Variants in PPP1R8 observed in about 807,000 individuals in gnomAD.
PPP1R8 encodes protein phosphatase 1 regulatory subunit 8.
In PPP1R8, 4 loss-of-function variants were observed where a neutral mutation model predicts 31.3. The observed-to-expected ratio is 0.13, with a 90% CI of 0.06 to 0.29. PPP1R8 has a LOEUF of 0.29. Among genes scored for constraint, PPP1R8 ranks in the 10% least tolerant of loss-of-function variants. The probability of loss-of-function intolerance (pLI) is 1.00; values close to 1 mark genes in which losing one functional copy is unlikely to be tolerated. For synonymous variants in PPP1R8, 170 were observed against 169.7 expected (o/e 1.00, Z -0.01); for missense variants, 254 against 440.1 (o/e 0.58, Z 3.78).
chr1:27,843,820 G>A (rs2089245792), intron 5 of PPP1R8, among the ~76,000 whole-genome samples: 1 of 152,014 alleles, frequency 6.6e-6, no homozygotes, highest in Admixed American at 6.6e-5. Flanking sequence ...AGGCATGGTG[G>A]CACACACCTG....
chr1:27,847,460 T>G (rs11805287), intron 6 of PPP1R8, among the ~76,000 whole-genome samples: 3,320 of 148,094 alleles, frequency 0.022, 104 homozygotes, highest in African/African-American at 0.077. Flanking sequence ...TGAGCTGAGG[T>G]CGCACCATTG....
chr1:27,850,544 G>A lies in PPP1R8; in HGVS notation c.*98G>A, dbSNP rs2089333918. The A allele has an allele frequency of 9.1e-7, 1 of 1,103,296 alleles. No homozygotes were observed. The highest frequency in any genetic ancestry group is 1.3e-6 in the Non-Finnish European group (1 of 782,082). The allele number at this position is 1,103,296 out of a possible 1,614,324, so 68.3% of individuals were successfully genotyped here. On this transcript the variant is annotated 3_prime_UTR_variant, in exon 7 of 7. Transcript: ENST00000311772. ...GGGAGAAAAACTTTCCATGTGTGCGGTATCGTCTTTCAGAATGTCTCCTGG... is the reference window on the plus strand; with the variant it reads ...GGGAGAAAAACTTTCCATGTGTGCGATATCGTCTTTCAGAATGTCTCCTGG...
chr1:27,837,245 C>G (rs1422121030), intron 2 of PPP1R8, among the ~76,000 whole-genome samples: 1 of 151,822 alleles, frequency 6.6e-6, no homozygotes, highest in Non-Finnish European at 1.5e-5. Flanking sequence ...TCCTGGCTAA[C>G]ACGGTGAAAC....
rs1393285693 is a variant in PPP1R8, at chr1:27,841,147, G to A, written c.405G>A (p.Ser135=). Residue 135 remains serine (S), a synonymous_variant, in exon 4 of 7, where the codon TCG becomes TCA. Coordinates refer to ENST00000311772, the MANE Select transcript of PPP1R8 (RefSeq NM_014110.5). ...GCGAGAAGCCTCAGACATTGCCATC[G>A]GCTGTGAAAGGAGATGAGAAGATGG... ...TLREKPQTLP[S]AVKGDEKMGG... The A allele has an allele frequency of 8.7e-6, 14 of 1,614,070 alleles. No homozygotes were observed. Among genetic ancestry groups the A allele is most frequent in the Admixed American group, 6.7e-5 (4 of 60,004 alleles).
At chr1:27,844,623 A>T (rs1366316045) in intron 5 of PPP1R8, among the ~76,000 whole-genome samples, 2 of 150,642 alleles carry the variant, frequency 1.3e-5, no homozygotes, top group Non-Finnish European at 3.0e-5. Context: ...TACCGCGCCC[A>T]GCCCAAAATT....
chr1:27,847,095 A>G lies in PPP1R8; in HGVS notation c.702+3A>G. On this transcript the variant is annotated splice_donor_region_variant and intron_variant, in intron 6 of 6. Coordinates refer to ENST00000311772, the MANE Select transcript of PPP1R8 (RefSeq NM_014110.5). The stretch of plus-strand genomic sequence containing the variant: ...AAACTGCAGTGGTCCCAGTCAAGGT[A>G]GGAAGCACATGAAATGCCATACAGT... 6.2e-7 allele frequency: 1 copy of G among 1,613,370 alleles called. No homozygotes were observed.
chr1:27,846,128 A>C (rs1234651308), intron 5 of PPP1R8, among the ~76,000 whole-genome samples: 1 of 152,204 alleles, frequency 6.6e-6, no homozygotes, highest in Non-Finnish European at 1.5e-5. Context: ...CTCATTGAAA[A>C]TAAGATGACA....
intron 2 of PPP1R8, among the ~76,000 whole-genome samples, chr1:27,834,196 G>A (rs1459472065): frequency 1.3e-5 from 2 of 152,102 alleles, no homozygotes; most frequent in African/African-American, 4.8e-5. Flanking sequence ...TTCCTTTGTG[G>A]AATAATTGGT....
At chr1:27,831,900 C>T (rs1037106634) in intron 1 of PPP1R8, among the ~76,000 whole-genome samples, 32 of 152,138 alleles carry the variant, frequency 2.1e-4, no homozygotes, top group Non-Finnish European at 1.5e-5. Flanking sequence ...TTTTTTCTAA[C>T]TTCAAATTAG....
chr1:27,838,672 G>A lies in PPP1R8; in HGVS notation c.118-27G>A, dbSNP rs1466076477. On this transcript the variant is annotated intron_variant, in intron 2 of 6. Coordinates refer to ENST00000311772, the MANE Select transcript of PPP1R8 (RefSeq NM_014110.5). ...TAAATGCTGTTGAAACAAGATTTAA[G>A]TAATATTTAATTTAATATTTATTTA... 67 of 1,367,460 alleles carry A rather than the reference G, an allele frequency of 4.9e-5. No homozygotes were observed. In the East Asian group the frequency reaches 1.6e-3, roughly 33 times the overall value. The allele number at this position is 1,367,460 out of a possible 1,614,324, so 84.7% of individuals were successfully genotyped here. A position where few individuals can be genotyped will look rare whatever the true frequency, so the allele number is the denominator to read the frequency against.
chr1:27,841,181 G>C lies in PPP1R8; in HGVS notation c.439G>C (p.Asp147His). The change falls in exon 4 of 7, where the codon GAT (aspartate) becomes CAT (histidine). Residue 147 changes from aspartate to histidine, a missense_variant. Transcript: ENST00000311772. ...VKGDEKMGGE[D>H]DELKGLLGLP... ...AGGAGATGAGAAGATGGGTGGAGAG[G>C]ATGATGAACTCAAGGGCTTACTGGG... 1 of 1,614,230 alleles carries C rather than the reference G, an allele frequency of 6.2e-7. No individual in the cohort carries two copies. The highest frequency in any genetic ancestry group is 8.5e-7 in the Non-Finnish European group (1 of 1,180,042).
intron 2 of PPP1R8, among the ~76,000 whole-genome samples, chr1:27,836,848 A>G (rs2089171857): frequency 6.6e-6 from 1 of 151,802 alleles, no homozygotes. Flanking sequence ...CCTGGGCAAC[A>G]TGGTGAAACT....
rs149629116 is a variant in PPP1R8, at chr1:27,841,123, C to T, written c.381C>T (p.Arg127=). 5.0e-6 allele frequency: 8 copies of T among 1,614,066 alleles called. No individual in the cohort carries two copies. Among genetic ancestry groups the T allele is most frequent in the African/African-American group, 1.3e-5 (1 of 74,922 alleles). ...CATCCACAAGGGCATACACTCTGCG[C>T]GAGAAGCCTCAGACATTGCCATCGG... ...FGASTRAYTL[R]EKPQTLPSAV... Residue 127 remains arginine, a synonymous_variant, in exon 4 of 7, where the codon CGC becomes CGT. Transcript: ENST00000311772.
Position 27,851,291 on chromosome 1 carries a change from C to A in PPP1R8, c.*845C>A, listed in dbSNP as rs1228619520. On this transcript the variant is annotated 3_prime_UTR_variant, in exon 7 of 7. Coordinates refer to ENST00000311772, the MANE Select transcript of PPP1R8 (RefSeq NM_014110.5). ...ATTTGTTTGGAAGTAACTGGTGTCT[C>A]TAAGAGGAATTTTTAGATGTCAGTT... 3.1e-6 allele frequency: 1 copy of A among 319,902 alleles called. No homozygotes were observed. The highest frequency in any genetic ancestry group is 2.2e-5 in the African/African-American group (1 of 46,268). 19.8% of individuals were successfully genotyped at this position (319,902 alleles called of 1,614,324 possible).
chr1:27,842,612 G>A (rs74567440), intron 4 of PPP1R8, among the ~76,000 whole-genome samples: 12 of 152,238 alleles, frequency 7.9e-5, no homozygotes, highest in Admixed American at 7.2e-4. Flanking sequence ...CAGAGCTAAG[G>A]CCAAGTTAAT....
At position 27,850,546 on chromosome 1, in the gene PPP1R8, A is replaced by G. The variant is rs780761483; in HGVS notation, c.*100A>G. 12 of 1,078,982 alleles carry G rather than the reference A, an allele frequency of 1.1e-5. No individual in the cohort carries two copies. The highest frequency in any genetic ancestry group is 2.8e-5 in the Admixed American group (1 of 35,510). The allele number at this position is 1,078,982 out of a possible 1,614,324, so 66.8% of individuals were successfully genotyped here. A position where few individuals can be genotyped will look rare whatever the true frequency, so the allele number is the denominator to read the frequency against. ...GAGAAAAACTTTCCATGTGTGCGGT[A>G]TCGTCTTTCAGAATGTCTCCTGGCA... On this transcript the variant is annotated 3_prime_UTR_variant, in exon 7 of 7. Coordinates refer to ENST00000311772, the MANE Select transcript of PPP1R8 (RefSeq NM_014110.5).
At chr1:27,847,655 G>A (rs936305649) in intron 6 of PPP1R8, among the ~76,000 whole-genome samples, 4 of 151,900 alleles carry the variant, frequency 2.6e-5, no homozygotes, top group Non-Finnish European at 5.9e-5. Context: ...CGCTGGAACC[G>A]GGGAGGTGGA....
intron 5 of PPP1R8, among the ~76,000 whole-genome samples, chr1:27,845,576 G>A (rs910145751): frequency 5.3e-5 from 8 of 151,652 alleles, no homozygotes; most frequent in African/African-American, 4.9e-5. Context: ...GTCCTTTCTC[G>A]TCTATATAGA....
chr1:27,850,153 C>A lies in PPP1R8; in HGVS notation c.763C>A (p.Gln255Lys), dbSNP rs2089327326. ...GLEESGSRRM[Q>K]NFAFSGGLYG... The stretch of plus-strand genomic sequence containing the variant: ...GGAGGAATCAGGGAGCAGGCGCATG[C>A]AGAACTTTGCCTTCAGCGGAGGACT... Residue 255 changes from glutamine to lysine, a missense_variant, in exon 7 of 7, where the codon CAG becomes AAG. Physicochemically the swap from Gln to Lys is moderately conservative, Grantham distance 53. Around this residue, in one of 6 missense-constraint regions of PPP1R8, gnomAD observed 105 missense variants for 128.0 expected, o/e 0.82. Transcript: ENST00000311772. 6.2e-6 allele frequency: 10 copies of A among 1,612,426 alleles called. No homozygotes were observed. The highest frequency in any genetic ancestry group is 1.3e-5 in the African/African-American group (1 of 74,912).
Sources: allele counts gnomAD v4.1 joint callset (sites outside exome capture counted in the v4.1 genomes callset), GRCh38; gene constraint gnomAD v4.1.1; regional missense constraint gnomAD v4.1.1; transcripts MANE v1.5; gene names NCBI Gene and HGNC (gene_info 2026-07-23, HGNC 2026-07-21).